The following ZRANB3 variants were observed in gnomAD, a reference collection of about 807,000 sequenced individuals.
ZRANB3 encodes DNA annealing helicase and endonuclease ZRANB3.
ZRANB3 carries 125 observed loss-of-function variants against 133.8 expected under a neutral mutation model. The ratio of observed to expected loss-of-function variants is 0.93; its 90% CI spans 0.81 to 1.08. The LOEUF (loss-of-function observed/expected upper bound fraction) is 1.08, where lower values mean the gene tolerates loss of function less well. Among genes scored for constraint, ZRANB3 ranks in the 50% least tolerant of loss-of-function variants. The pLI, the probability that ZRANB3 is intolerant of heterozygous loss-of-function variation, is 0.00. For missense variants in ZRANB3, 1,229 were observed against 1,275.5 expected (o/e 0.96, Z 0.56); for synonymous variants, 387 against 432.7 (o/e 0.89, Z 1.31).
At chr2:135,247,261 AAG>A (rs1488293511) in intron 12 of ZRANB3, among the ~76,000 whole-genome samples, 1 of 152,228 alleles carries the variant, frequency 6.6e-6, no homozygotes, top group African/African-American at 2.4e-5. Flanking sequence ...ACAAGCCAAC[AAG>A]AGTCTGTTTT....
At chr2:135,271,316 T>A (rs1476577011) in intron 10 of ZRANB3, 14 of 471,154 alleles carry the variant, frequency 3.0e-5, no homozygotes, top group Non-Finnish European at 5.7e-5. Flanking sequence ...AACTTAATCC[T>A]AAGGGACAAA....
At position 135,366,125 on chromosome 2, in the gene ZRANB3, C is replaced by G. The variant is rs1685927257; in HGVS notation, c.181-12497G>C. The stretch of plus-strand genomic sequence containing the variant: ...ATTAATCTGTCAATTCATGTGTTGA[C>G]ACATAGCAATCACTTCAGAATAAAC... On this transcript the variant is annotated intron_variant, in intron 3 of 20. Transcript: ENST00000264159. Among the ~76,000 whole-genome samples, 3 of 152,300 alleles carry G rather than the reference C, an allele frequency of 2.0e-5. No individual in the cohort carries two copies. In the South Asian group the frequency reaches 6.2e-4, roughly 32 times the overall value.
chr2:135,510,588 T>C, intron 1 of ZRANB3: 1 of 740,504 alleles, frequency 1.4e-6, no homozygotes, highest in Non-Finnish European at 2.4e-6. Context: ...CAAATCCTGC[T>C]TTCTGCACCA....
intron 12 of ZRANB3, among the ~76,000 whole-genome samples, chr2:135,264,581 G>C (rs1680131141): frequency 1.3e-5 from 2 of 152,006 alleles, no homozygotes; most frequent in Non-Finnish European, 2.9e-5. Context: ...TTTGGGAACG[G>C]GGGGTCACAT....
rs549444158 is a variant in ZRANB3, at chr2:135,465,361, T to C, written c.161+38968A>G. On this transcript the variant is annotated intron_variant, in intron 2 of 20. Coordinates refer to ENST00000264159, the MANE Select transcript of ZRANB3 (RefSeq NM_032143.4). ...GAACACCAAGGTAAAATATCAAAGA[T>C]TCAGAAACCTTTAGTTCTGGTCCTG... is the stretch of plus-strand genomic sequence containing the variant. Among the ~76,000 whole-genome samples the C allele has an allele frequency of 2.3e-3, 349 of 150,128 alleles. 2 individuals are homozygous for C. Among genetic ancestry groups the C allele is most frequent in the African/African-American group, 7.8e-3 (317 of 40,646 alleles).
chr2:135,420,149 G>T (rs1688779626), intron 2 of ZRANB3, among the ~76,000 whole-genome samples: 1 of 136,996 alleles, frequency 7.3e-6, no homozygotes, highest in African/African-American at 2.6e-5. Flanking sequence ...ATTTCTAGAA[G>T]GCTACACAAC....
intron 12 of ZRANB3, among the ~76,000 whole-genome samples, chr2:135,258,193 TAAC>T (rs765735707): frequency 3.9e-5 from 6 of 152,106 alleles, no homozygotes; most frequent in Non-Finnish European, 8.8e-5. Context: ...CTGCAAGAAA[TAAC>T]AACTCAATAG....
chr2:135,488,895 A>G (rs1198253370), intron 2 of ZRANB3, among the ~76,000 whole-genome samples: 1 of 150,456 alleles, frequency 6.6e-6, no homozygotes, highest in Non-Finnish European at 1.5e-5. Flanking sequence ...ACTATATCTG[A>G]TTATACTATA....
chr2:135,368,976 G>A (rs1686056049), intron 3 of ZRANB3, among the ~76,000 whole-genome samples: 1 of 151,812 alleles, frequency 6.6e-6, no homozygotes, highest in Non-Finnish European at 1.5e-5. Context: ...TAGATAAAGA[G>A]TCATTTCATT....
intron 1 of ZRANB3, among the ~76,000 whole-genome samples, chr2:135,515,597 A>G (rs904716391): frequency 6.6e-6 from 1 of 152,120 alleles, no homozygotes; most frequent in Admixed American, 6.5e-5. Context: ...TGCGGTTTTG[A>G]GTGAGTTTCT....
intron 8 of ZRANB3, 100 bp downstream of exon 8, chr2:135,313,379 CAATAGCAAAG>C: frequency 1.9e-6 from 1 of 518,628 alleles, no homozygotes; most frequent in South Asian, 3.8e-5. Context: ...AAGAGTTAAA[CAATAGCAAAG>C]AAATTCTGCA....
intron 2 of ZRANB3, among the ~76,000 whole-genome samples, chr2:135,418,114 A>T (rs7590796): frequency 0.01 from 1,571 of 152,282 alleles, 24 homozygotes; most frequent in African/African-American, 0.036. Context: ...GTATAATAAT[A>T]ATAAAAACAA....
At chr2:135,421,395 G>A (rs1688835650) in intron 2 of ZRANB3, among the ~76,000 whole-genome samples, 1 of 152,106 alleles carries the variant, frequency 6.6e-6, no homozygotes, top group Non-Finnish European at 1.5e-5. Context: ...TATTTCCATG[G>A]ATAACTGTAA....
rs75226836 is a variant in ZRANB3 at position 135,281,349 on chromosome 2, CTTT to C, written c.967-5597_967-5595del. Among the ~76,000 whole-genome samples, 12 of 147,424 alleles carry C rather than the reference CTTT, an allele frequency of 8.1e-5. No homozygotes were observed. In the East Asian group the frequency reaches 2.2e-3, roughly 27 times the overall value. ...CAGGTATCGCATGACCTTTTAAGCTCTTTTTTTTTTTAAAGCTCTTTTAATGTC... is the reference window on the plus strand; with the variant it reads ...CAGGTATCGCATGACCTTTTAAGCTCTTTTTTTTAAAGCTCTTTTAATGTC... On this transcript the variant is annotated intron_variant, in intron 8 of 20. Transcript: ENST00000264159.
rs932611124 is a variant in ZRANB3, at chr2:135,495,248, TA to T, written c.161+9080del. Among the ~76,000 whole-genome samples the T allele has an allele frequency of 3.1e-4, 47 of 151,260 alleles. 1 individual carries two copies. The highest frequency in any genetic ancestry group is 8.4e-4 in the South Asian group (4 of 4,784). ...GTTTCTAAAAAAACAAAACTAAGAA[TA>T]AAAAAAAATAAAAAGTTAAATTATT... On this transcript the variant is annotated intron_variant, in intron 2 of 20. Transcript: ENST00000264159.
intron 15 of ZRANB3, among the ~76,000 whole-genome samples, chr2:135,224,122 G>A (rs1026240966): frequency 3.3e-5 from 5 of 152,088 alleles, no homozygotes; most frequent in South Asian, 2.1e-4. Context: ...TCACATCAGG[G>A]TAAATGGGGT....
intron 3 of ZRANB3, among the ~76,000 whole-genome samples, chr2:135,361,750 C>T (rs80288204): frequency 2.0e-5 from 3 of 152,046 alleles, no homozygotes; most frequent in African/African-American, 7.2e-5. Flanking sequence ...AAAGAAAACC[C>T]GCATAAAGAA....
intron 3 of ZRANB3, among the ~76,000 whole-genome samples, chr2:135,360,643 T>A (rs1685650592): frequency 6.6e-6 from 1 of 152,290 alleles, no homozygotes; most frequent in East Asian, 1.9e-4. Flanking sequence ...AAGCGGAGCT[T>A]GCAGTGAGCG....
intron 11 of ZRANB3, among the ~76,000 whole-genome samples, 173 bp from the exon 12 acceptor site, chr2:135,265,859 A>G (rs1464171017): frequency 6.6e-6 from 1 of 152,242 alleles, no homozygotes; most frequent in Non-Finnish European, 1.5e-5. Flanking sequence ...AAATAAAATT[A>G]TAAGCCTCCC....
Sources: gnomAD v4.1 joint callset for allele counts (sites outside exome capture counted in the v4.1 genomes callset) on GRCh38, gnomAD v4.1.1 for gene constraint, MANE v1.5 for transcripts, NCBI Gene and HGNC (gene_info 2026-07-23, HGNC 2026-07-21) for gene names.